UTP11: variants seen among roughly 807,000 people sequenced by gnomAD.
UTP11 encodes the protein probable U3 small nucleolar RNA-associated protein 11.
In UTP11, 29 loss-of-function variants were observed where a neutral mutation model predicts 39.0. The ratio of observed to expected loss-of-function variants is 0.74; its 90% CI spans 0.55 to 1.01. The LOEUF is 1.01. UTP11 is among the 50% of genes least tolerant of loss of function. UTP11 has a pLI of 0.00. For missense variants in UTP11, 281 were observed against 306.0 expected, an observed-to-expected ratio of 0.92 and a Z score of 0.61; for synonymous variants, 111 against 105.0, an observed-to-expected ratio of 1.06 and a Z score of -0.35.
intron 1 of UTP11, among the ~76,000 whole-genome samples, chr1:38,014,227 G>A (rs937330828): frequency 1.3e-5 from 2 of 152,214 alleles, no homozygotes; most frequent in African/African-American, 2.4e-5. Context: ...GAAGACAGAG[G>A]GCTTTCAGAG....
Position 38,019,106 on chromosome 1 carries a change from G to A in UTP11, c.390G>A (p.Gly130=), listed in dbSNP as rs755557159. The A allele has an allele frequency of 3.7e-6, 6 of 1,614,006 alleles. No individual in the cohort carries two copies. Among genetic ancestry groups the A allele is most frequent in the Non-Finnish European group, 5.1e-6 (6 of 1,179,986 alleles). The change falls in exon 5 of 8, where the codon GGG becomes GGA. Residue 130 remains glycine (G), a synonymous_variant. Transcript: ENST00000373014. ...KSELHLLDFQ[G]KQQNKHVFFF... ...AGCTCCATCTGCTGGATTTCCAGGG[G>A]AAGCAACAGAACAAGCATGTGTTCT...
chr1:38,013,941 C>T (rs1249784768), intron 1 of UTP11, among the ~76,000 whole-genome samples: 1 of 152,216 alleles, frequency 6.6e-6, no homozygotes, highest in African/African-American at 2.4e-5. Context: ...TCTCGAACTC[C>T]TGACCTCTGG....
chr1:38,015,016 CAA>C (rs1557768818), intron 1 of UTP11, among the ~76,000 whole-genome samples: 1 of 151,828 alleles, frequency 6.6e-6, no homozygotes, highest in Non-Finnish European at 1.5e-5. Context: ...AATTATTATA[CAA>C]GTTTTTTTTT....
intron 1 of UTP11, among the ~76,000 whole-genome samples, chr1:38,013,664 T>G (rs985583080): frequency 2.6e-5 from 4 of 152,160 alleles, no homozygotes; most frequent in African/African-American, 7.2e-5. Context: ...ACTGATGGGA[T>G]AGAACTAAGG....
Position 38,018,465 on chromosome 1 carries a change from A to G in UTP11, c.230A>G (p.Asp77Gly). The G allele has an allele frequency of 6.2e-7, 1 of 1,603,338 alleles. No individual in the cohort carries two copies. Among genetic ancestry groups the G allele is most frequent in the Non-Finnish European group, 8.5e-7 (1 of 1,173,578 alleles). ...ATATCTTTTAAATTTGGATTTTAGG[A>G]TGGAGTACATATTATTAAGGAGACT... Reference protein sequence around the residue: ...YYKMTRVKLQDGVHIIKETKE... With the variant: ...YYKMTRVKLQGGVHIIKETKE... The change falls in exon 4 of 8, where the codon GAT (aspartate) becomes GGT (glycine). Residue 77 changes from aspartate (D) to glycine (G), a missense_variant and splice_region_variant. By Grantham distance (94) the Asp-to-Gly change is moderately conservative. Transcript: ENST00000373014.
intron 6 of UTP11, 49 bp downstream of exon 6, chr1:38,019,432 G>A (rs896676411): frequency 1.9e-6 from 2 of 1,043,034 alleles, no homozygotes; most frequent in Middle Eastern, 2.7e-4. Context: ...GAATCTAGGT[G>A]TTTTTTTTTT....
chr1:38,018,436 G>T, intron 3 of UTP11, 28 bp from the exon 4 acceptor site: 1 of 1,502,258 alleles, frequency 6.7e-7, no homozygotes, highest in South Asian at 1.1e-5. Context: ...ATCTAATAGG[G>T]AATATATCTT....
intron 3 of UTP11, 104 bp downstream of exon 3, chr1:38,017,874 C>G (rs1169660177): frequency 6.1e-6 from 6 of 986,250 alleles, no homozygotes; most frequent in African/African-American, 3.3e-5. Context: ...TTTAACCCTT[C>G]TCTGGTTACT....
Position 38,022,772 on chromosome 1 carries a change from T to G in UTP11, c.641T>G (p.Val214Gly), listed in dbSNP as rs766079164. Residue 214 changes from valine to glycine, a missense_variant, in exon 7 of 8, where the codon GTT (valine) becomes GGT (glycine). By Grantham distance (109) the Val-to-Gly change is moderately radical. Transcript: ENST00000373014. ...QRIEREKKLFVIAQKIQTRKD... is the reference protein window; with the variant it reads ...QRIEREKKLFGIAQKIQTRKD... ...ATTGAACGAGAGAAGAAATTGTTCG[T>G]TATTGCTCAGAAAATTCAAACACGC... 2.5e-6 allele frequency: 4 copies of G among 1,613,798 alleles called. No homozygotes were observed. The African/African-American group carries it at 5.3e-5, about 22-fold the overall frequency.
chr1:38,013,767 T>G (rs937443490), intron 1 of UTP11, among the ~76,000 whole-genome samples: 1 of 152,100 alleles, frequency 6.6e-6, no homozygotes, highest in Non-Finnish European at 1.5e-5. Context: ...CAGGTTGGAG[T>G]GCAGTGGCAC....
chr1:38,019,570 G>A (rs931527397), intron 6 of UTP11, among the ~76,000 whole-genome samples, 187 bp downstream of exon 6: 6 of 151,476 alleles, frequency 4.0e-5, no homozygotes, highest in South Asian at 2.1e-4. Flanking sequence ...TGCAACCTCC[G>A]CCTCCTGGGT....
At chr1:38,016,718 A>C (rs1036849004) in intron 2 of UTP11, 40 of 337,538 alleles carry the variant, frequency 1.2e-4, no homozygotes, top group African/African-American at 7.2e-4. Context: ...CCCAAAGTTG[A>C]ATCTTTTTCT....
chr1:38,019,302 C>T lies in UTP11; in HGVS notation c.486C>T (p.Val162=), dbSNP rs148808877. The T allele has an allele frequency of 8.6e-4, 1,380 of 1,613,974 alleles. 2 individuals are homozygous for T. Among genetic ancestry groups the T allele is most frequent in the Non-Finnish European group, 1.1e-3 (1,273 of 1,180,002 alleles). ...ATHLQTAPEL[V]DRVFNRPRIE... ...ACCTGCAAACAGCCCCGGAGCTAGT[C>T]GACAGAGTCTTTAATAGGCCCAGGA... Residue 162 remains valine (V), a synonymous_variant, in exon 6 of 8, where the codon GTC becomes GTT. Coordinates refer to ENST00000373014, the MANE Select transcript of UTP11 (RefSeq NM_016037.4).
intron 1 of UTP11, among the ~76,000 whole-genome samples, chr1:38,014,140 T>G: frequency 6.6e-6 from 1 of 152,234 alleles, no homozygotes; most frequent in East Asian, 1.9e-4. Context: ...ATTTTACAAA[T>G]GAGGAATCTG....
intron 6 of UTP11, among the ~76,000 whole-genome samples, chr1:38,022,452 C>A (rs1402348025): frequency 1.3e-5 from 2 of 152,144 alleles, no homozygotes; most frequent in Non-Finnish European, 2.9e-5. Context: ...AGTGACCCTC[C>A]CTCCTCAGCC....
chr1:38,019,027 A>C (rs748467715), intron 4 of UTP11, 32 bp from the exon 5 acceptor site: 19 of 1,547,246 alleles, frequency 1.2e-5, no homozygotes, highest in Admixed American at 1.9e-5. Flanking sequence ...AGAAGAATCT[A>C]ATATAAAGTG....
chr1:38,022,576 G>T, intron 6 of UTP11, 123 bp from the exon 7 acceptor site: 2 of 665,212 alleles, frequency 3.0e-6, no homozygotes, highest in Admixed American at 5.3e-5. Flanking sequence ...ACGTTATGTT[G>T]ATTCTGGTGA....
chr1:38,016,417 C>G lies in UTP11; in HGVS notation c.122C>G (p.Ala41Gly). The change falls in exon 2 of 8, where the codon GCA becomes GGA. Residue 41 changes from alanine to glycine, a missense_variant. Coordinates refer to ENST00000373014, the MANE Select transcript of UTP11 (RefSeq NM_016037.4). ...LEKKKDYKLRADDYRKKQEYL... is the reference protein window; with the variant it reads ...LEKKKDYKLRGDDYRKKQEYL... The stretch of plus-strand genomic sequence containing the variant: ...AAAAAGAAAGATTACAAACTTCGTG[C>G]AGAGTGAGTTCAGTCTTTCTGGTAG... The G allele has an allele frequency of 6.2e-7, 1 of 1,614,138 alleles. No homozygotes were observed. The highest frequency in any genetic ancestry group is 1.3e-5 in the African/African-American group (1 of 75,080).
At chr1:38,019,206 T>A in intron 5 of UTP11, 47 bp from the exon 6 acceptor site, 5 of 1,613,982 alleles carry the variant, frequency 3.1e-6, no homozygotes, top group Non-Finnish European at 4.2e-6. Context: ...TCTGTGTCAT[T>A]TGGTGTTAGA....
Sources: allele counts gnomAD v4.1 joint callset (sites outside exome capture counted in the v4.1 genomes callset), GRCh38; gene constraint gnomAD v4.1.1; transcripts MANE v1.5; gene names NCBI Gene and HGNC (gene_info 2026-07-23, HGNC 2026-07-21).